CRHR2: variants seen among roughly 807,000 people sequenced by gnomAD.
CRHR2 encodes corticotropin-releasing hormone receptor 2.
In CRHR2, 53 loss-of-function variants were observed where a neutral mutation model predicts 57.9. The ratio of observed to expected loss-of-function variants is 0.92; its 90% CI spans 0.73 to 1.15. The LOEUF is 1.15. Among genes scored for constraint, CRHR2 ranks in the 50% most tolerant of loss-of-function variants. CRHR2 has a pLI of 0.00. For synonymous variants in CRHR2, 213 were observed against 220.9 expected, an observed-to-expected ratio of 0.96 and a Z score of 0.32; for missense variants, 532 against 542.6, an observed-to-expected ratio of 0.98 and a Z score of 0.19.
intron 2 of CRHR2, among the ~76,000 whole-genome samples, chr7:30,674,558 G>A (rs1348048790): frequency 6.6e-6 from 1 of 152,222 alleles, no homozygotes; most frequent in Non-Finnish European, 1.5e-5. Flanking sequence ...AGGATGGCCG[G>A]GATTAGATCT....
At position 30,681,947 on chromosome 7, in the gene CRHR2, TC is replaced by T; in HGVS notation, c.196del (p.Glu66SerfsTer85). 6.2e-7 allele frequency: 1 copy of T among 1,612,184 alleles called. No individual in the cohort carries two copies. Among genetic ancestry groups the T allele is most frequent in the Non-Finnish European group, 8.5e-7 (1 of 1,179,496 alleles). On this transcript the variant is annotated frameshift_variant, in exon 2 of 12. Transcript: ENST00000471646. LOFTEE classifies it high-confidence loss of function. The stretch of plus-strand genomic sequence containing the variant: ...GTTGTACTTGACGCCGTTGAAGTAC[TC>T]GGGGCACGGCCTCTCCACGAGGGCT... ...AGALVERPCP[E>X]YFNGVKYNTT...
At chr7:30,682,460 G>T (rs1191149877), upstream of CRHR2, 10 of 1,337,260 alleles carry the variant, frequency 7.5e-6, no homozygotes, top group African/African-American at 1.4e-4. Context: ...GTCAAGTGGG[G>T]ACCTTCCCGG....
At chr7:30,688,351 G>A (rs1784895082) in intron 2 of CRHR2, among the ~76,000 whole-genome samples, 1 of 152,214 alleles carries the variant, frequency 6.6e-6, no homozygotes, top group Non-Finnish European at 1.5e-5. Context: ...CTTTGTTCCA[G>A]TGGCCCCAGG....
At chr7:30,655,746 C>T in intron 9 of CRHR2, 31 bp from the exon 10 acceptor site, 1 of 1,606,964 alleles carries the variant, frequency 6.2e-7, no homozygotes. Flanking sequence ...CAGGTCTGAG[C>T]CCATGCGGCA....
intron 11 of CRHR2, among the ~76,000 whole-genome samples, chr7:30,654,463 C>T (rs1460512267): frequency 6.6e-6 from 1 of 152,168 alleles, no homozygotes; most frequent in African/African-American, 2.4e-5. Flanking sequence ...GCTCCCAGGC[C>T]CTAGGGGCTG....
In CRHR2 at chr7:30,661,906, T is replaced by C. The variant is rs1005063173; in HGVS notation, c.758+250A>G. On this transcript the variant is annotated intron_variant, in intron 7 of 11. Coordinates refer to ENST00000471646, the MANE Select transcript of CRHR2 (RefSeq NM_001883.5). ...GGCCTTACAAAGACCAAAGGGGTCA[T>C]GCGTTGGGTCGGGGGGCACTTCAAG... Among the ~76,000 whole-genome samples, 98 of 152,054 alleles carry C rather than the reference T, an allele frequency of 6.4e-4. 5 individuals are homozygous for C. The highest frequency in any genetic ancestry group is 7.3e-5 in the Non-Finnish European group (5 of 68,036).
chr7:30,665,245 C>T lies in CRHR2; in HGVS notation c.426-58G>A. On this transcript the variant is annotated intron_variant, in intron 4 of 11. Transcript: ENST00000471646. The surrounding 1 kb of genome is among the most constrained non-coding windows in gnomAD (Gnocchi z 4.5). ...TTCAGGGGTCAACTGGGACTGGGTT[C>T]CCCCTGAGGCCAGGTAGAGACTCAG... 7.0e-7 allele frequency: 1 copy of T among 1,429,594 alleles called. No individual in the cohort carries two copies. The highest frequency in any genetic ancestry group is 9.9e-7 in the Non-Finnish European group (1 of 1,014,408). The allele number at this position is 1,429,594 out of a possible 1,614,324, so 88.6% of individuals were successfully genotyped here.
At chr7:30,685,051 T>G (rs1784827784), upstream of CRHR2, among the ~76,000 whole-genome samples, 1 of 152,110 alleles carries the variant, frequency 6.6e-6, no homozygotes, top group South Asian at 2.1e-4. Context: ...CCCCAAGCTG[T>G]TGGGGACAGG....
intron 2 of CRHR2, among the ~76,000 whole-genome samples, chr7:30,678,491 G>A (rs1384822191): frequency 1.3e-5 from 2 of 152,190 alleles, no homozygotes; most frequent in African/African-American, 4.8e-5. Flanking sequence ...CCATGCGCTA[G>A]TCCCTTCCCT....
chr7:30,674,640 C>A (rs555856609), intron 2 of CRHR2, among the ~76,000 whole-genome samples: 132 of 152,274 alleles, frequency 8.7e-4, no homozygotes, highest in African/African-American at 3.0e-3. Context: ...CCAGCAGCAT[C>A]CCTCCAGGGG....
upstream of CRHR2, among the ~76,000 whole-genome samples, chr7:30,684,473 G>A (rs1012614557): frequency 2.0e-5 from 3 of 152,242 alleles, no homozygotes; most frequent in Non-Finnish European, 4.4e-5. Flanking sequence ...TGCTCCCAAT[G>A]ACCAGAGGCC....
intron 2 of CRHR2, chr7:30,689,001 G>A (rs1438026827): frequency 3.0e-6 from 2 of 671,318 alleles, no homozygotes; most frequent in Non-Finnish European, 5.5e-6. Flanking sequence ...TCAGTGGCAA[G>A]CCTGAGCCTA....
intron 7 of CRHR2, 107 bp from the exon 8 acceptor site, chr7:30,660,752 C>T: frequency 2.0e-6 from 2 of 1,001,876 alleles, no homozygotes; most frequent in Non-Finnish European, 3.0e-6. Context: ...GACCCAATCT[C>T]CAGGACTGCC....
chr7:30,654,950 G>T (rs1158901923), intron 11 of CRHR2, 89 bp downstream of exon 11: 9 of 1,567,158 alleles, frequency 5.7e-6, no homozygotes, highest in Non-Finnish European at 6.9e-6. Context: ...TGGCACTCCA[G>T]CAAGGCCGGG....
intron 1 of CRHR2, among the ~76,000 whole-genome samples, chr7:30,697,353 G>C (rs753622677): frequency 7.9e-5 from 12 of 152,196 alleles, no homozygotes; most frequent in Non-Finnish European, 1.8e-4. Flanking sequence ...GGGCTGAGAG[G>C]CTCCTGTGAT....
upstream of CRHR2, among the ~76,000 whole-genome samples, chr7:30,685,242 A>G (rs1473654984): frequency 6.6e-6 from 1 of 152,214 alleles, no homozygotes; most frequent in Non-Finnish European, 1.5e-5. Flanking sequence ...AAAGCCTAAT[A>G]CATGGCATCA....
chr7:30,657,275 G>C (rs2128139930), intron 8 of CRHR2, among the ~76,000 whole-genome samples: 1 of 152,246 alleles, frequency 6.6e-6, no homozygotes, highest in East Asian at 1.9e-4. Flanking sequence ...CAAGCTTTCG[G>C]GTAGCCCTAG....
rs181135738 is a variant in CRHR2, at chr7:30,688,129, C to T, written c.-167+1062G>A. ...TAAAGTAAGGTAAGCGGGCTTTAAT[C>T]CAATAGGACTGGTGTTCTTAGAAGA... On this transcript the variant is annotated intron_variant, in intron 2 of 13. Transcript: ENST00000341843. Among the ~76,000 whole-genome samples the T allele has an allele frequency of 1.9e-4, 29 of 152,252 alleles. No homozygotes were observed. The East Asian group carries it at 3.3e-3, about 17-fold the overall frequency.
intron 5 of CRHR2, 68 bp from the exon 6 acceptor site, chr7:30,662,915 G>A (rs930903117): frequency 1.6e-5 from 25 of 1,564,510 alleles, no homozygotes; most frequent in Admixed American, 3.6e-5. Context: ...CCATCCCCAG[G>A]CAGGGCAACA....
Sources: allele counts gnomAD v4.1 joint callset (sites outside exome capture counted in the v4.1 genomes callset), GRCh38; gene constraint gnomAD v4.1.1; non-coding constraint Gnocchi (gnomAD v3.1); transcripts MANE v1.5; gene names NCBI Gene and HGNC (gene_info 2026-07-23, HGNC 2026-07-21).